TUFT1: variants seen among roughly 807,000 people sequenced by gnomAD.
TUFT1 encodes tuftelin.
Under a neutral mutation model 57.8 loss-of-function variants are expected in TUFT1, and 43 were observed. The ratio of observed to expected loss-of-function variants is 0.74; its 90% CI spans 0.58 to 0.96. The LOEUF (loss-of-function observed/expected upper bound fraction) is 0.96. Ranked by LOEUF, TUFT1 falls within the 40% of genes least tolerant of loss-of-function variation. The probability of loss-of-function intolerance (pLI) is 0.00; values close to 1 mark genes in which losing one functional copy is unlikely to be tolerated. For synonymous variants in TUFT1, 166 were observed against 176.7 expected (o/e 0.94, Z 0.48); for missense variants, 459 against 489.0 (o/e 0.94, Z 0.58).
At position 151,540,341 on chromosome 1, in the gene TUFT1, C is replaced by T. The variant is rs1236330189; in HGVS notation, c.-26C>T. 3 of 1,613,882 alleles carry T rather than the reference C, an allele frequency of 1.9e-6. No individual in the cohort carries two copies. Among genetic ancestry groups the T allele is most frequent in the Middle Eastern group, 1.7e-4 (1 of 6,018 alleles). On this transcript the variant is annotated 5_prime_UTR_variant, in exon 1 of 13. Coordinates refer to ENST00000368849, the MANE Select transcript of TUFT1 (RefSeq NM_020127.3). ...GCCAGACAGCGGGGTGGACAAGTGG[C>T]GTGTGTGCTGCGACCCCGAGGGAAG...
intron 6 of TUFT1, 61 bp downstream of exon 6, chr1:151,566,289 C>T: frequency 7.3e-7 from 1 of 1,379,114 alleles, no homozygotes; most frequent in Admixed American, 1.8e-5. Context: ...GCCTCCTCCC[C>T]ATCCTTTTGT....
intron 11 of TUFT1, 143 bp downstream of exon 11, chr1:151,579,875 A>AG: frequency 1.3e-6 from 1 of 771,092 alleles, no homozygotes; most frequent in South Asian, 1.8e-5. Flanking sequence ...GTTGACTTTC[A>AG]GTTCAGCTGA....
chr1:151,563,440 C>T (rs1891593), intron 3 of TUFT1, among the ~76,000 whole-genome samples: 88,705 of 151,728 alleles, frequency 0.58, 26,489 homozygotes, highest in East Asian at 0.92. Context: ...CATTGTGTGA[C>T]GATCACCTAC....
chr1:151,543,460 A>G (rs1665231684), intron 1 of TUFT1, among the ~76,000 whole-genome samples: 1 of 152,130 alleles, frequency 6.6e-6, no homozygotes. Context: ...ATTGGCAAAT[A>G]AAAGAACAAA....
chr1:151,564,411 G>A (rs1665997205), intron 4 of TUFT1, 114 bp from the exon 5 acceptor site: 10 of 742,132 alleles, frequency 1.3e-5, no homozygotes, highest in Admixed American at 2.3e-5. Flanking sequence ...GCAGCCAGTC[G>A]TTAGGACAGT....
At chr1:151,561,538 T>G in intron 1 of TUFT1, 1 of 982,128 alleles carries the variant, frequency 1.0e-6, no homozygotes, top group Non-Finnish European at 1.2e-6. Flanking sequence ...ACCTGCTTCA[T>G]TCTTTGAAAT....
intron 6 of TUFT1, among the ~76,000 whole-genome samples, chr1:151,567,060 A>G (rs1347916755): frequency 6.6e-6 from 1 of 151,932 alleles, no homozygotes; most frequent in East Asian, 1.9e-4. Context: ...CTGGGACTAT[A>G]GGGCACGCGC....
At chr1:151,580,526 G>A (rs1666612889) in intron 11 of TUFT1, among the ~76,000 whole-genome samples, 1 of 151,888 alleles carries the variant, frequency 6.6e-6, no homozygotes, top group African/African-American at 2.4e-5. Context: ...AACCAGATGT[G>A]GTGGCATGCA....
chr1:151,547,401 A>G (rs951391739), intron 1 of TUFT1, among the ~76,000 whole-genome samples: 1 of 152,180 alleles, frequency 6.6e-6, no homozygotes, highest in Non-Finnish European at 1.5e-5. Flanking sequence ...GCTAGTAATT[A>G]TGGTGCATGC....
intron 1 of TUFT1, 175 bp downstream of exon 1, chr1:151,540,601 G>T: frequency 1.5e-6 from 1 of 683,190 alleles, no homozygotes; most frequent in Non-Finnish European, 2.5e-6. Flanking sequence ...AGTGGGAGTC[G>T]CGGGGTGAAG....
chr1:151,546,631 C>T (rs1289781977), intron 1 of TUFT1, among the ~76,000 whole-genome samples: 1 of 152,096 alleles, frequency 6.6e-6, no homozygotes, highest in East Asian at 1.9e-4. Context: ...GGTATGTGAT[C>T]CTTTGTGACT....
rs954805147 is a variant in TUFT1, at chr1:151,581,803, T to A, written c.*96T>A. On this transcript the variant is annotated 3_prime_UTR_variant, in exon 13 of 13. Transcript: ENST00000368849. ...TTAACACTGCCTTTGACTTCCTGACTGTCCCCTGGCTGCACCCAGGACTTC... is the reference window on the plus strand; with the variant it reads ...TTAACACTGCCTTTGACTTCCTGACAGTCCCCTGGCTGCACCCAGGACTTC... 4.1e-5 allele frequency: 55 copies of A among 1,345,380 alleles called. No individual in the cohort carries two copies. In the African/African-American group the frequency reaches 7.8e-4, roughly 19 times the overall value. The allele number at this position is 1,345,380 out of a possible 1,614,324, so 83.3% of individuals were successfully genotyped here.
chr1:151,545,995 AT>A (rs1184630756), intron 1 of TUFT1: 5 of 174,902 alleles, frequency 2.9e-5, no homozygotes, highest in South Asian at 5.7e-5. Flanking sequence ...GAATATTTGC[AT>A]TTTTTTCTTT....
At chr1:151,552,590 G>C (rs371928235) in intron 1 of TUFT1, among the ~76,000 whole-genome samples, 6 of 151,212 alleles carry the variant, frequency 4.0e-5, no homozygotes, top group African/African-American at 9.7e-5. Flanking sequence ...GGTAATCCCA[G>C]CTACTTGGGA....
chr1:151,561,682 G>A, intron 1 of TUFT1: 1 of 1,276,298 alleles, frequency 7.8e-7, no homozygotes, highest in African/African-American at 1.5e-5. Context: ...TGCTAGTCTT[G>A]TAAAGTGCAT....
intron 1 of TUFT1, among the ~76,000 whole-genome samples, chr1:151,559,199 A>T (rs1665804749): frequency 1.3e-5 from 2 of 152,206 alleles, no homozygotes. Flanking sequence ...TTCTTGACCT[A>T]GATGTCATGG....
intron 1 of TUFT1, among the ~76,000 whole-genome samples, chr1:151,542,909 A>G (rs979419487): frequency 6.6e-6 from 1 of 152,196 alleles, no homozygotes; most frequent in African/African-American, 2.4e-5. Context: ...AATCTGTCAT[A>G]TATTCACACC....
Position 151,579,718 on chromosome 1 carries a change from T to A in TUFT1, c.994T>A (p.Tyr332Asn). Reference sequence around the variant, plus strand: ...CCAGGAGCTCAAGGAGAAAATCGCCTATCTGGAGGCAGAGGTGTGTGTGCT... The same window carrying A: ...CCAGGAGCTCAAGGAGAAAATCGCCAATCTGGAGGCAGAGGTGTGTGTGCT... ...TIQELKEKIA[Y>N]LEAENLEMHD... The change falls in exon 11 of 13, where the codon TAT (tyrosine) becomes AAT (asparagine). Residue 332 changes from tyrosine (Y) to asparagine (N), a missense_variant. Transcript: ENST00000368849. The A allele has an allele frequency of 1.2e-6, 2 of 1,613,766 alleles. No individual in the cohort carries two copies. The highest frequency in any genetic ancestry group is 2.2e-5 in the South Asian group (2 of 90,990).
intron 10 of TUFT1, 78 bp downstream of exon 10, chr1:151,578,904 G>T: frequency 1.7e-6 from 2 of 1,174,320 alleles, no homozygotes; most frequent in Non-Finnish European, 2.4e-6. Context: ...TAGGGAGCTT[G>T]ACTTATATTC....
Sources: gnomAD v4.1 joint callset for allele counts (sites outside exome capture counted in the v4.1 genomes callset) on GRCh38, gnomAD v4.1.1 for gene constraint, MANE v1.5 for transcripts, NCBI Gene and HGNC (gene_info 2026-07-23, HGNC 2026-07-21) for gene names.